The following PRDX3 variants were observed in gnomAD, a reference collection of about 807,000 sequenced individuals.
PRDX3 encodes peroxiredoxin 3.
Under a neutral mutation model 30.4 loss-of-function variants are expected in PRDX3, and 20 were observed. The observed-to-expected ratio is 0.66, with a 90% CI of 0.46 to 0.96. The LOEUF is 0.96. PRDX3 is among the 40% of genes least tolerant of loss of function. The pLI, the probability that PRDX3 is intolerant of heterozygous loss-of-function variation, is 0.00. For missense variants in PRDX3, 322 were observed against 318.3 expected, an observed-to-expected ratio of 1.01 and a Z score of -0.09; for synonymous variants, 124 against 117.8, an observed-to-expected ratio of 1.05 and a Z score of -0.34.
Position 119,173,768 on chromosome 10 carries a change from C to T in PRDX3, c.416G>A (p.Ser139Asn). ...TGGTGTATTTATCCAGGCAAGATGG[C>T]TAAAGTGGGAATCCACTGAGACTGC... Reference protein sequence around the residue: ...VVAVSVDSHFSHLAWINTPRK... With the variant: ...VVAVSVDSHFNHLAWINTPRK... The change falls in exon 4 of 7, where the codon AGC (serine) becomes AAC (asparagine). Residue 139 changes from serine to asparagine, a missense_variant. By Grantham distance (46) the Ser-to-Asn change is conservative. Transcript: ENST00000298510. The T allele has an allele frequency of 6.2e-7, 1 of 1,612,346 alleles. No homozygotes were observed. The highest frequency in any genetic ancestry group is 1.1e-5 in the South Asian group (1 of 90,976).
In PRDX3 at chr10:119,172,391, A is replaced by G. The variant is rs1194696097; in HGVS notation, c.542T>C (p.Leu181Pro). 2.5e-6 allele frequency: 4 copies of G among 1,611,240 alleles called. No individual in the cohort carries two copies. Among genetic ancestry groups the G allele is most frequent in the Non-Finnish European group, 3.4e-6 (4 of 1,177,454 alleles). ...DYGVLLEGSGLALRGLFIIDP... is the reference protein window; with the variant it reads ...DYGVLLEGSGPALRGLFIIDP... ...AGAAACAGGATCTTACCTTAGTGCAAGACCAGAACCTTCTAACAGCACACC... is the reference window on the plus strand; with the variant it reads ...AGAAACAGGATCTTACCTTAGTGCAGGACCAGAACCTTCTAACAGCACACC... Residue 181 changes from leucine (L) to proline (P), a missense_variant, in exon 5 of 7, where the codon CTT becomes CCT. Coordinates refer to ENST00000298510, the MANE Select transcript of PRDX3 (RefSeq NM_006793.5).
chr10:119,169,412 T>C lies in PRDX3; in HGVS notation c.552-70A>G, dbSNP rs563838735. On this transcript the variant is annotated intron_variant, in intron 5 of 6. Transcript: ENST00000298510. ...CTAGAACAGTCTAACTTCTTCCCTT[T>C]TAGGTCTTTAATTCTCCTTTTAATA... 7.2e-5 allele frequency: 93 copies of C among 1,285,798 alleles called. 1 individual carries two copies. In the South Asian group the frequency reaches 1.3e-3, roughly 17 times the overall value. The allele number at this position is 1,285,798 out of a possible 1,614,324, so 79.6% of individuals were successfully genotyped here.
chr10:119,173,105 AT>A (rs942451511), intron 4 of PRDX3, among the ~76,000 whole-genome samples: 1 of 151,536 alleles, frequency 6.6e-6, no homozygotes, highest in African/African-American at 2.4e-5. Context: ...CACTTGGCTA[AT>A]TTTTTTTATT....
intron 1 of PRDX3, among the ~76,000 whole-genome samples, 200 bp downstream of exon 1, chr10:119,178,555 G>A (rs989291474): frequency 1.3e-5 from 2 of 152,168 alleles, no homozygotes; most frequent in Non-Finnish European, 2.9e-5. Context: ...GGAAGAGACC[G>A]CGAGGATGGA....
At chr10:119,176,972 T>A (rs1469711466) in intron 2 of PRDX3, 49 bp downstream of exon 2, 1 of 1,611,166 alleles carries the variant, frequency 6.2e-7, no homozygotes, top group South Asian at 1.1e-5. Context: ...GAGACGATGG[T>A]TCATTTTTCC....
intron 4 of PRDX3, among the ~76,000 whole-genome samples, chr10:119,172,862 C>A (rs1847940889): frequency 6.6e-6 from 1 of 152,140 alleles, no homozygotes; most frequent in Non-Finnish European, 1.5e-5. Flanking sequence ...AACTCCTGGG[C>A]TCATGCAATC....
intron 4 of PRDX3, among the ~76,000 whole-genome samples, chr10:119,173,225 ATC>A (rs1434380507): frequency 6.6e-6 from 1 of 152,196 alleles, no homozygotes; most frequent in East Asian, 1.9e-4. Flanking sequence ...GGCGTGAGCC[ATC>A]ACGCCCGGCT....
Position 119,169,323 on chromosome 10 carries a change from G to C in PRDX3, c.571C>G (p.Pro191Ala), listed in dbSNP as rs375550177. Residue 191 changes from proline (P) to alanine (A), a missense_variant, in exon 6 of 7, where the codon CCC (proline) becomes GCC (alanine). By Grantham distance (27) the Pro-to-Ala change is conservative. Coordinates refer to ENST00000298510, the MANE Select transcript of PRDX3 (RefSeq NM_006793.5). ...CTCAAATGCTTGATGACTCCATTGG[G>C]GTCAATTATGAAGAGACCTCTGCAT... is the stretch of plus-strand genomic sequence containing the variant. ...LALRGLFIID[P>A]NGVIKHLSVN... 6.2e-7 allele frequency: 1 copy of C among 1,613,706 alleles called. No individual in the cohort carries two copies. The highest frequency in any genetic ancestry group is 8.5e-7 in the Non-Finnish European group (1 of 1,179,812).
chr10:119,169,491 CA>C (rs1847855348), intron 5 of PRDX3, 149 bp from the exon 6 acceptor site: 2 of 668,592 alleles, frequency 3.0e-6, no homozygotes, highest in South Asian at 2.1e-5. Context: ...CACTGTTGTG[CA>C]AAAAACTTAT....
At chr10:119,171,412 C>G (rs1847906116) in intron 5 of PRDX3, among the ~76,000 whole-genome samples, 1 of 152,170 alleles carries the variant, frequency 6.6e-6, no homozygotes, top group African/African-American at 2.4e-5. Context: ...GGGATCCCCT[C>G]TCTTCCTTCC....
Position 119,174,592 on chromosome 10 carries a change from C to A in PRDX3, c.170G>T (p.Ser57Ile). The change falls in exon 3 of 7, where the codon AGT (serine) becomes ATT (isoleucine). Residue 57 changes from serine to isoleucine, a missense_variant and splice_region_variant. Transcript: ENST00000298510. ...GACAGCAGGTGCATGGCATGAGGAA[C>A]CTGAAAAAAAACCCACACTCATATG... The part of the protein sequence containing the change: ...GSSQAKLFST[S>I]SSCHAPAVTQ... 2 of 1,579,064 alleles carry A rather than the reference C, an allele frequency of 1.3e-6. No homozygotes were observed. Among genetic ancestry groups the A allele is most frequent in the Admixed American group, 2.0e-5 (1 of 48,878 alleles).
At chr10:119,171,977 T>C (rs1268704469) in intron 5 of PRDX3, among the ~76,000 whole-genome samples, 2 of 152,188 alleles carry the variant, frequency 1.3e-5, no homozygotes, top group African/African-American at 4.8e-5. Context: ...TGGAGCAGTG[T>C]GGCCTCAAGA....
chr10:119,173,349 C>A (rs1029671058), intron 4 of PRDX3, among the ~76,000 whole-genome samples: 8 of 152,112 alleles, frequency 5.3e-5, no homozygotes, highest in Admixed American at 6.5e-5. Context: ...GTGGCTCATG[C>A]CTGTAATTCC....
chr10:119,177,593 A>G (rs1420106391), intron 1 of PRDX3, among the ~76,000 whole-genome samples: 1 of 145,666 alleles, frequency 6.9e-6, no homozygotes, highest in Non-Finnish European at 1.5e-5. Context: ...CGGGAGGCAG[A>G]GGTTGCAGAG....
Position 119,168,250 on chromosome 10 carries a change from G to A in PRDX3, c.*230C>T, listed in dbSNP as rs1847813014. The A allele has an allele frequency of 2.5e-6, 2 of 794,332 alleles. No homozygotes were observed. The highest frequency in any genetic ancestry group is 6.6e-5 in the East Asian group (2 of 30,512). The allele number at this position is 794,332 out of a possible 1,614,324, so 49.2% of individuals were successfully genotyped here. On this transcript the variant is annotated 3_prime_UTR_variant, in exon 7 of 7. Coordinates refer to ENST00000298510, the MANE Select transcript of PRDX3 (RefSeq NM_006793.5). The stretch of plus-strand genomic sequence containing the variant: ...GGCAAATTATGTTCTGTAGAAACTA[G>A]CTAGCCAGCCACCAAGATGTTACCA...
chr10:119,173,978 A>C, intron 3 of PRDX3, 106 bp from the exon 4 acceptor site: 1 of 1,101,390 alleles, frequency 9.1e-7, no homozygotes, highest in Non-Finnish European at 1.3e-6. Context: ...AAAAGGCAAA[A>C]TGGTTTACCA....
In PRDX3 at chr10:119,168,294, T is replaced by G; in HGVS notation, c.*186A>C. Reference sequence around the variant, plus strand: ...GTTACCAATAAAGGATTCCTTGTACTAGCAACTAACCATGTTTAAAAGGTC... The same window carrying G: ...GTTACCAATAAAGGATTCCTTGTACGAGCAACTAACCATGTTTAAAAGGTC... On this transcript the variant is annotated 3_prime_UTR_variant, in exon 7 of 7. Transcript: ENST00000298510. 1 of 1,223,462 alleles carries G rather than the reference T, an allele frequency of 8.2e-7. No individual in the cohort carries two copies. The highest frequency in any genetic ancestry group is 1.1e-6 in the Non-Finnish European group (1 of 915,202). The allele number at this position is 1,223,462 out of a possible 1,614,324, so 75.8% of individuals were successfully genotyped here.
chr10:119,172,237 T>C, intron 5 of PRDX3, 145 bp downstream of exon 5: 1 of 679,270 alleles, frequency 1.5e-6, no homozygotes, highest in South Asian at 1.8e-5. Context: ...CCCAAAGTGC[T>C]ACGATTACAG....
chr10:119,172,263 C>T, intron 5 of PRDX3, 119 bp downstream of exon 5: 1 of 859,254 alleles, frequency 1.2e-6, no homozygotes, highest in South Asian at 1.6e-5. Flanking sequence ...AGCCACCATG[C>T]CCAGCCAGGA....
Sources: gnomAD v4.1 joint callset for allele counts (sites outside exome capture counted in the v4.1 genomes callset) on GRCh38, gnomAD v4.1.1 for gene constraint, MANE v1.5 for transcripts, NCBI Gene and HGNC (gene_info 2026-07-23, HGNC 2026-07-21) for gene names.